KIAA1217: variants seen among roughly 807,000 people sequenced by gnomAD.
The protein encoded by KIAA1217 is KIAA1217, also known as sickle tail protein homolog.
Under a neutral mutation model 163.9 loss-of-function variants are expected in KIAA1217, and 88 were observed. The observed-to-expected ratio is 0.54, with a 90% CI of 0.45 to 0.64. The LOEUF (loss-of-function observed/expected upper bound fraction) is 0.64, where lower values mean the gene tolerates loss of function less well. KIAA1217 is among the 30% of genes least tolerant of loss of function. The pLI is 0.00. For synonymous variants in KIAA1217, 903 were observed against 923.1 expected (o/e 0.98, Z 0.39); for missense variants, 2,372 against 2,475.0 (o/e 0.96, Z 0.88).
intron 1 of KIAA1217, among the ~76,000 whole-genome samples, chr10:23,999,678 T>C (rs1333038243): frequency 6.6e-6 from 1 of 152,156 alleles, no homozygotes; most frequent in Non-Finnish European, 1.5e-5. Flanking sequence ...CGAAGGAGTT[T>C]TGAATGGTGG....
intron 1 of KIAA1217, among the ~76,000 whole-genome samples, chr10:23,699,454 T>G (rs1256585663): frequency 6.6e-6 from 1 of 152,184 alleles, no homozygotes; most frequent in Non-Finnish European, 1.5e-5. Context: ...TGGTGCTCCT[T>G]TTGACTGCTT....
chr10:24,125,477 G>C (rs1270999493), intron 2 of KIAA1217, among the ~76,000 whole-genome samples: 1 of 151,530 alleles, frequency 6.6e-6, no homozygotes, highest in Non-Finnish European at 1.5e-5. Context: ...TTTTTGGCTA[G>C]ATCTTCAAAT....
chr10:24,316,399 C>T (rs11014023), intron 2 of KIAA1217, among the ~76,000 whole-genome samples: 23,276 of 152,110 alleles, frequency 0.15, 1,793 homozygotes, highest in Middle Eastern at 0.16. Context: ...CTGGACAAAC[C>T]AGGATGAGTT....
At chr10:24,198,412 C>A (rs973422180) in intron 2 of KIAA1217, among the ~76,000 whole-genome samples, 5 of 151,962 alleles carry the variant, frequency 3.3e-5, no homozygotes, top group African/African-American at 1.2e-4. Flanking sequence ...AGTTTGAGAC[C>A]AGCCTGGCCA....
chr10:24,262,668 CA>C (rs1176955830), intron 2 of KIAA1217, among the ~76,000 whole-genome samples: 1 of 150,648 alleles, frequency 6.6e-6, no homozygotes, highest in Non-Finnish European at 1.5e-5. Flanking sequence ...GTGGGAGTCT[CA>C]ATTTAAGGTG....
At chr10:23,887,677 T>C (rs1230044260) in intron 1 of KIAA1217, among the ~76,000 whole-genome samples, 2 of 151,866 alleles carry the variant, frequency 1.3e-5, no homozygotes, top group Non-Finnish European at 1.5e-5. Flanking sequence ...CAGATGTGAT[T>C]ACCCTTTGAA....
At chr10:23,765,187 C>CTCTTTTTTTTTTTTTTTTTTTTT (rs1834448899) in intron 1 of KIAA1217, among the ~76,000 whole-genome samples, 1 of 75,358 alleles carries the variant, frequency 1.3e-5, no homozygotes, top group Non-Finnish European at 2.3e-5. Flanking sequence ...TTTTTGTTCT[C>CTCTTTTTTTTTTTTTTTTTTTTT]TTTTTTTTTT....
chr10:23,949,297 G>A (rs1844217211), intron 1 of KIAA1217, among the ~76,000 whole-genome samples: 1 of 152,170 alleles, frequency 6.6e-6, no homozygotes, highest in African/African-American at 2.4e-5. Flanking sequence ...AAAGAGGACA[G>A]TTGTTTTCTG....
intron 1 of KIAA1217, among the ~76,000 whole-genome samples, chr10:23,744,277 G>A (rs1016582739): frequency 1.3e-5 from 2 of 152,116 alleles, no homozygotes; most frequent in Non-Finnish European, 2.9e-5. Context: ...GTACTTTCCC[G>A]CTGCTTTTAA....
chr10:23,894,256 A>C (rs1841570867), intron 1 of KIAA1217, among the ~76,000 whole-genome samples: 1 of 152,054 alleles, frequency 6.6e-6, no homozygotes, highest in Admixed American at 6.6e-5. Flanking sequence ...GTCTCAGCCC[A>C]AAATCTCCTT....
Position 23,858,410 on chromosome 10 carries a change from C to T in KIAA1217, c.-320-148815C>T, listed in dbSNP as rs768484959. On this transcript the variant is annotated intron_variant, in intron 1 of 18. Coordinates refer to the KIAA1217 transcript ENST00000376462. The stretch of plus-strand genomic sequence containing the variant: ...TTTTAAAATTATATTTCCTTTTATT[C>T]ACCACAACAGCATATATATATGCTG... Among the ~76,000 whole-genome samples the T allele has an allele frequency of 2.2e-4, 34 of 151,884 alleles. 1 individual carries two copies. Among genetic ancestry groups the T allele is most frequent in the East Asian group, 5.8e-4 (3 of 5,186 alleles).
intron 2 of KIAA1217, among the ~76,000 whole-genome samples, chr10:24,201,328 A>G (rs2067244646): frequency 6.6e-6 from 1 of 152,160 alleles, no homozygotes; most frequent in African/African-American, 2.4e-5. Flanking sequence ...GCGTTACACA[A>G]ATTAGGCTCC....
intron 2 of KIAA1217, among the ~76,000 whole-genome samples, chr10:24,274,880 A>G (rs369239569): frequency 3.3e-5 from 5 of 152,228 alleles, no homozygotes; most frequent in African/African-American, 1.2e-4. Flanking sequence ...CTTCCACACC[A>G]TACTTAAGGG....
chr10:24,210,033 G>A (rs116534316), intron 1 of KIAA1217, among the ~76,000 whole-genome samples: 1,947 of 152,146 alleles, frequency 0.013, 32 homozygotes, highest in South Asian at 0.034. Context: ...TGATTCTGTG[G>A]GATCCTATAG....
chr10:23,880,920 G>C (rs1840920495), intron 1 of KIAA1217, among the ~76,000 whole-genome samples: 1 of 151,934 alleles, frequency 6.6e-6, no homozygotes, highest in African/African-American at 2.4e-5. Context: ...ACAACCTGGA[G>C]AGTCAGACTT....
intron 1 of KIAA1217, among the ~76,000 whole-genome samples, chr10:23,697,849 C>A (rs1297688590): frequency 1.3e-5 from 2 of 151,738 alleles, no homozygotes; most frequent in East Asian, 3.9e-4. Flanking sequence ...TGCACTCCAG[C>A]CTGGTTGACA....
chr10:23,738,186 T>C (rs2130803862), intron 1 of KIAA1217, among the ~76,000 whole-genome samples: 1 of 152,308 alleles, frequency 6.6e-6, no homozygotes, highest in Middle Eastern at 3.4e-3. Flanking sequence ...AAAAATTCTT[T>C]AAGTTTAAAA....
intron 2 of KIAA1217, among the ~76,000 whole-genome samples, chr10:24,138,919 T>C (rs1470231292): frequency 1.3e-5 from 2 of 152,202 alleles, no homozygotes; most frequent in Non-Finnish European, 2.9e-5. Flanking sequence ...CAATGTGCTT[T>C]TTAAAATGTT....
At chr10:24,039,793 T>C (rs955708691) in intron 2 of KIAA1217, among the ~76,000 whole-genome samples, 5 of 129,108 alleles carry the variant, frequency 3.9e-5, no homozygotes, top group African/African-American at 1.5e-4. Flanking sequence ...ATGATATAGA[T>C]ATAGATAGAT....
Sources: gnomAD v4.1 joint callset for allele counts (sites outside exome capture counted in the v4.1 genomes callset) on GRCh38, gnomAD v4.1.1 for gene constraint, MANE v1.5 for transcripts, NCBI Gene and HGNC (gene_info 2026-07-23, HGNC 2026-07-21) for gene names.